GNA14: variants seen among roughly 807,000 people sequenced by gnomAD.
GNA14 encodes the protein G protein subunit alpha 14.
A neutral mutation model predicts 42.0 loss-of-function variants in GNA14; 50 were observed. The ratio of observed to expected loss-of-function variants is 1.19; its 90% CI spans 0.95 to 1.51. The LOEUF (loss-of-function observed/expected upper bound fraction) is 1.51, where lower values mean the gene tolerates loss of function less well. GNA14 is among the 40% of genes most tolerant of loss of function. The pLI, the probability that GNA14 is intolerant of heterozygous loss-of-function variation, is 0.00. For missense variants in GNA14, 473 were observed against 446.2 expected (o/e 1.06, Z -0.54); for synonymous variants, 173 against 163.1 (o/e 1.06, Z -0.46).
At chr9:77,488,502 G>A (rs1161905988) in intron 2 of GNA14, among the ~76,000 whole-genome samples, 1 of 152,130 alleles carries the variant, frequency 6.6e-6, no homozygotes, top group Non-Finnish European at 1.5e-5. Context: ...CTGTAACTCA[G>A]CCAAAGCTGA....
intron 2 of GNA14, among the ~76,000 whole-genome samples, chr9:77,495,858 A>G (rs1836860762): frequency 6.6e-6 from 1 of 152,238 alleles, no homozygotes; most frequent in East Asian, 1.9e-4. Context: ...TAACCTAGCC[A>G]AACACTAAAG....
chr9:77,644,346 AG>A (rs373067622), intron 1 of GNA14, among the ~76,000 whole-genome samples: 3 of 144,092 alleles, frequency 2.1e-5, no homozygotes, highest in African/African-American at 7.7e-5. Context: ...CCCAACTACT[AG>A]GGAGGCTGAG....
intron 2 of GNA14, among the ~76,000 whole-genome samples, chr9:77,492,170 G>A (rs1836786119): frequency 6.6e-6 from 1 of 152,002 alleles, no homozygotes; most frequent in African/African-American, 2.4e-5. Flanking sequence ...GTACTAAGAA[G>A]CACATCTATA....
At position 77,617,868 on chromosome 9, in the gene GNA14, C is replaced by T. The variant is rs74523707; in HGVS notation, c.124+29802G>A. ...CATATAGTTTATACCATCTCTTAATCCAGTCTCCCCTCCATTGTCACCCTT... is the reference window on the plus strand; with the variant it reads ...CATATAGTTTATACCATCTCTTAATTCAGTCTCCCCTCCATTGTCACCCTT... On this transcript the variant is annotated intron_variant, in intron 1 of 6. Transcript: ENST00000341700. Among the ~76,000 whole-genome samples the T allele has an allele frequency of 2.6e-3, 401 of 152,138 alleles. 12 individuals carry two copies. The East Asian group carries it at 0.066, about 25-fold the overall frequency.
intron 2 of GNA14, among the ~76,000 whole-genome samples, chr9:77,503,377 G>A (rs1837006125): frequency 6.6e-6 from 1 of 152,116 alleles, no homozygotes; most frequent in Admixed American, 6.5e-5. Flanking sequence ...GATGAGAGAG[G>A]CACCCAATAA....
intron 2 of GNA14, 46 bp downstream of exon 2, chr9:77,529,023 C>A: frequency 6.7e-7 from 1 of 1,493,700 alleles, no homozygotes; most frequent in Non-Finnish European, 9.3e-7. Context: ...CCAGAGTGGG[C>A]AGGCATACAT....
At chr9:77,463,390 T>TA (rs1337666975) in intron 2 of GNA14, among the ~76,000 whole-genome samples, 1 of 151,444 alleles carries the variant, frequency 6.6e-6, no homozygotes, top group Admixed American at 6.6e-5. Flanking sequence ...GGATGTCACT[T>TA]AAAAAAAGAA....
At chr9:77,595,820 G>A (rs1035981596) in intron 1 of GNA14, among the ~76,000 whole-genome samples, 22 of 152,164 alleles carry the variant, frequency 1.4e-4, no homozygotes, top group African/African-American at 5.1e-4. Context: ...GAGATAAGAC[G>A]CACTCAAGGC....
At chr9:77,622,197 A>G (rs149996859) in intron 1 of GNA14, among the ~76,000 whole-genome samples, 200 of 152,356 alleles carry the variant, frequency 1.3e-3, no homozygotes, top group African/African-American at 4.5e-3. Flanking sequence ...CAGAATATGG[A>G]CAAGCTTTAA....
chr9:77,567,031 G>C (rs1822978990), intron 1 of GNA14, among the ~76,000 whole-genome samples: 1 of 151,754 alleles, frequency 6.6e-6, no homozygotes, highest in Admixed American at 6.6e-5. Flanking sequence ...GATAACACAA[G>C]TCATGTGCCT....
At chr9:77,468,213 G>T (rs1836270096) in intron 2 of GNA14, among the ~76,000 whole-genome samples, 1 of 152,178 alleles carries the variant, frequency 6.6e-6, no homozygotes, top group Non-Finnish European at 1.5e-5. Context: ...TGGCTCAAAT[G>T]CTACCAACTC....
chr9:77,641,101 GAA>G (rs1564073590), intron 1 of GNA14, among the ~76,000 whole-genome samples: 25 of 1,250 alleles, frequency 0.02, no homozygotes, highest in Non-Finnish European at 0.048. Flanking sequence ...GGAGGGGGGG[GAA>G]GGAAGGAAGG....
chr9:77,507,906 G>T (rs763069332), intron 2 of GNA14, among the ~76,000 whole-genome samples: 3 of 152,086 alleles, frequency 2.0e-5, no homozygotes, highest in African/African-American at 7.2e-5. Context: ...TTTCAGTAGA[G>T]AAAGTGTTAT....
chr9:77,517,082 C>T (rs78445423), intron 2 of GNA14, among the ~76,000 whole-genome samples: 2,082 of 152,266 alleles, frequency 0.014, 53 homozygotes, highest in African/African-American at 0.047. Context: ...TAGGGAAAAT[C>T]GTCCTCCAAT....
chr9:77,555,334 G>A (rs772294897), intron 1 of GNA14, among the ~76,000 whole-genome samples: 3 of 151,932 alleles, frequency 2.0e-5, no homozygotes, highest in South Asian at 4.1e-4. Context: ...GGCGAAACTC[G>A]GTCTCTACCA....
chr9:77,508,120 A>C (rs1050040649), intron 2 of GNA14, among the ~76,000 whole-genome samples: 1 of 151,958 alleles, frequency 6.6e-6, no homozygotes, highest in Admixed American at 6.6e-5. Flanking sequence ...ATTCTCTATC[A>C]TCCCCTCTGT....
intron 1 of GNA14, among the ~76,000 whole-genome samples, chr9:77,552,429 G>A (rs1298982666): frequency 6.6e-6 from 1 of 152,168 alleles, no homozygotes; most frequent in Non-Finnish European, 1.5e-5. Context: ...ATTTGCTGAT[G>A]AGCTTTCCTA....
At chr9:77,531,328 AC>A (rs1179771553) in intron 1 of GNA14, among the ~76,000 whole-genome samples, 1 of 152,162 alleles carries the variant, frequency 6.6e-6, no homozygotes, top group African/African-American at 2.4e-5. Flanking sequence ...ACAAGGATAA[AC>A]TGTGATGAGA....
At chr9:77,455,765 G>A (rs1024045404) in intron 2 of GNA14, among the ~76,000 whole-genome samples, 2 of 152,162 alleles carry the variant, frequency 1.3e-5, no homozygotes, top group East Asian at 1.9e-4. Flanking sequence ...CATAGGAATC[G>A]CATGAGTGAA....
Sources: gnomAD v4.1 joint callset for allele counts (sites outside exome capture counted in the v4.1 genomes callset) on GRCh38, gnomAD v4.1.1 for gene constraint, MANE v1.5 for transcripts, NCBI Gene and HGNC (gene_info 2026-07-23, HGNC 2026-07-21) for gene names.